Variants in VRTN observed in about 807,000 individuals in gnomAD.
The protein encoded by VRTN is vertebrae development associated, also known as vertnin.
VRTN carries 5 observed loss-of-function variants against 18.2 expected under a neutral mutation model. The observed-to-expected ratio is 0.27, with a 90% CI of 0.14 to 0.58. The LOEUF (loss-of-function observed/expected upper bound fraction) is 0.58, where lower values mean the gene tolerates loss of function less well. VRTN is among the 20% of genes least tolerant of loss of function. The pLI, the probability that VRTN is intolerant of heterozygous loss-of-function variation, is 0.91. For missense variants in VRTN, 741 were observed against 939.4 expected, an observed-to-expected ratio of 0.79 and a Z score of 2.76; for synonymous variants, 381 against 393.7, an observed-to-expected ratio of 0.97 and a Z score of 0.38.
intron 1 of VRTN, among the ~76,000 whole-genome samples, chr14:74,331,398 AG>A (rs1351339111): frequency 3.3e-5 from 5 of 150,046 alleles, no homozygotes; most frequent in Non-Finnish European, 5.9e-5. Flanking sequence ...GCATGGTAGC[AG>A]GTGCCTGTAA....
chr14:74,324,767 G>A (rs2085478515), intron 1 of VRTN, among the ~76,000 whole-genome samples: 1 of 151,976 alleles, frequency 6.6e-6, no homozygotes, highest in Admixed American at 6.6e-5. Context: ...GCATGCTATG[G>A]CCCCAGCTAC....
At chr14:74,343,510 T>TA (rs1425760083), upstream of VRTN, among the ~76,000 whole-genome samples, 9 of 152,222 alleles carry the variant, frequency 5.9e-5, no homozygotes, top group Non-Finnish European at 1.3e-4. Flanking sequence ...ACGGCTATAC[T>TA]TGTACATGTG....
Position 74,358,939 on chromosome 14 carries a change from A to T in VRTN, c.*47A>T. The T allele has an allele frequency of 6.4e-7, 1 of 1,561,856 alleles. No homozygotes were observed. The highest frequency in any genetic ancestry group is 8.7e-7 in the Non-Finnish European group (1 of 1,153,814). On this transcript the variant is annotated 3_prime_UTR_variant, in exon 2 of 2. Coordinates refer to ENST00000256362, the MANE Select transcript of VRTN (RefSeq NM_018228.3). This position sits in a 1 kb window ranked among gnomAD's most constrained non-coding sequence, Gnocchi z 5.4. The stretch of plus-strand genomic sequence containing the variant: ...GGGAAGAAGGGGGACCAGTTTGGAG[A>T]GGGTCAGGGACCTGAGCTGACCCCA...
intron 1 of VRTN, among the ~76,000 whole-genome samples, chr14:74,315,947 C>G (rs931046783): frequency 2.6e-5 from 4 of 152,134 alleles, no homozygotes; most frequent in Non-Finnish European, 5.9e-5. Flanking sequence ...TCCTTTCTAC[C>G]CCACCCCAAT....
chr14:74,356,567 A>C (rs1460039475), intron 1 of VRTN, among the ~76,000 whole-genome samples: 1 of 152,226 alleles, frequency 6.6e-6, no homozygotes, highest in Admixed American at 6.5e-5. Context: ...AAGGTGACCA[A>C]GCTTATGTCA....
In VRTN at chr14:74,357,584, G is replaced by A. The variant is rs146700227; in HGVS notation, c.801G>A (p.Pro267=). The change falls in exon 2 of 2, where the codon CCG becomes CCA. Residue 267 remains proline, a synonymous_variant. Coordinates refer to ENST00000256362, the MANE Select transcript of VRTN (RefSeq NM_018228.3). The surrounding 1 kb of genome is among the most constrained non-coding windows in gnomAD (Gnocchi z 7.8). ...ALPALAPLSS[P]AKTLELLNRE... ...CAGCCCTGGCCCCACTCTCATCGCCGGCCAAGACCCTGGAGCTGCTCAACC... is the reference window on the plus strand; with the variant it reads ...CAGCCCTGGCCCCACTCTCATCGCCAGCCAAGACCCTGGAGCTGCTCAACC... 5.8e-5 allele frequency: 94 copies of A among 1,613,782 alleles called. No homozygotes were observed. Among genetic ancestry groups the A allele is most frequent in the Non-Finnish European group, 7.1e-5 (84 of 1,180,006 alleles).
At chr14:74,316,327 C>T (rs1286729123) in intron 1 of VRTN, among the ~76,000 whole-genome samples, 1 of 151,918 alleles carries the variant, frequency 6.6e-6, no homozygotes, top group East Asian at 1.9e-4. Flanking sequence ...ACCAGCCTGG[C>T]CAACATGGTG....
In VRTN at chr14:74,357,035, C is replaced by T; in HGVS notation, c.252C>T (p.Ser84=). 6.2e-7 allele frequency: 1 copy of T among 1,608,948 alleles called. No homozygotes were observed. The highest frequency in any genetic ancestry group is 1.1e-5 in the South Asian group (1 of 90,772). Residue 84 remains serine (S), a synonymous_variant, in exon 2 of 2, where the codon AGC becomes AGT. Coordinates refer to ENST00000256362, the MANE Select transcript of VRTN (RefSeq NM_018228.3). The surrounding 1 kb of genome is among the most constrained non-coding windows in gnomAD (Gnocchi z 7.8). ...CGCTGGTGTGCAAGGGGGAGGGCAG[C>T]CTGCTGTTCGAGGCGGCCAGCATGC... The part of the protein sequence containing the change: ...MLPLVCKGEG[S]LLFEAASMLL...
intron 1 of VRTN, among the ~76,000 whole-genome samples, chr14:74,312,072 C>T (rs1331385404): frequency 6.6e-6 from 1 of 152,150 alleles, no homozygotes; most frequent in East Asian, 1.9e-4. Context: ...GCCCAGCCAG[C>T]ATACACAGAT....
intron 1 of VRTN, among the ~76,000 whole-genome samples, chr14:74,307,077 C>T (rs1188765332): frequency 6.6e-6 from 1 of 150,600 alleles, no homozygotes; most frequent in Admixed American, 6.6e-5. Context: ...AGGAGAATTG[C>T]TCTGTGCCCA....
upstream of VRTN, among the ~76,000 whole-genome samples, chr14:74,348,064 T>C (rs1005219665): frequency 2.0e-5 from 3 of 152,146 alleles, no homozygotes; most frequent in African/African-American, 2.4e-5. Flanking sequence ...AAGAGATGCA[T>C]TTTGAGGGTT....
intron 1 of VRTN, among the ~76,000 whole-genome samples, chr14:74,312,844 G>C (rs1245022712): frequency 1.4e-5 from 2 of 146,738 alleles, no homozygotes; most frequent in Non-Finnish European, 3.0e-5. Flanking sequence ...CCAGGTTCAA[G>C]TTATTCTCCT....
chr14:74,342,895 G>C lies in VRTN; in HGVS notation c.-2+5011G>C, dbSNP rs570277056. ...ACCTCCCAAAGTTCTAGGATTACAG[G>C]TGTGAGCCACCACGCCAGTCTAAAA... On this transcript the variant is annotated intron_variant, in intron 2 of 2. Coordinates refer to the VRTN transcript ENST00000557177. Among the ~76,000 whole-genome samples, 16 of 152,188 alleles carry C rather than the reference G, an allele frequency of 1.1e-4. No individual in the cohort carries two copies. In the South Asian group the frequency reaches 3.1e-3, roughly 30 times the overall value.
At chr14:74,352,954 A>G (rs1396433135) in intron 1 of VRTN, among the ~76,000 whole-genome samples, 1 of 152,202 alleles carries the variant, frequency 6.6e-6, no homozygotes, top group Non-Finnish European at 1.5e-5. Flanking sequence ...TTTGTGTTAA[A>G]AGGTGGTTAA....
chr14:74,315,695 G>A (rs376185354), intron 1 of VRTN, among the ~76,000 whole-genome samples: 3 of 152,092 alleles, frequency 2.0e-5, no homozygotes, highest in Non-Finnish European at 2.9e-5. Flanking sequence ...ATCAGATAGC[G>A]CTAAGAAAAC....
chr14:74,348,967 C>T (rs17782520), intron 1 of VRTN, among the ~76,000 whole-genome samples: 21,628 of 150,974 alleles, frequency 0.14, 1,900 homozygotes, highest in South Asian at 0.24. Context: ...CCCCGGGCTT[C>T]TCAGGTTGGA....
At chr14:74,346,474 T>C (rs2085645296), upstream of VRTN, among the ~76,000 whole-genome samples, 1 of 152,068 alleles carries the variant, frequency 6.6e-6, no homozygotes, top group Non-Finnish European at 1.5e-5. Flanking sequence ...GGTGCAACAG[T>C]GCCATCATAG....
At chr14:74,323,163 C>A (rs778438191) in intron 1 of VRTN, among the ~76,000 whole-genome samples, 10 of 151,942 alleles carry the variant, frequency 6.6e-5, no homozygotes, top group Non-Finnish European at 1.0e-4. Flanking sequence ...ATATTGGAAG[C>A]CACAGGACAG....
intron 1 of VRTN, among the ~76,000 whole-genome samples, chr14:74,351,670 G>A (rs2085685601): frequency 6.6e-6 from 1 of 151,484 alleles, no homozygotes; most frequent in African/African-American, 2.4e-5. Flanking sequence ...CGTAGAGATG[G>A]GGTTATGTTA....
Sources: allele counts gnomAD v4.1 joint callset (sites outside exome capture counted in the v4.1 genomes callset), GRCh38; gene constraint gnomAD v4.1.1; non-coding constraint Gnocchi (gnomAD v3.1); transcripts MANE v1.5; gene names NCBI Gene and HGNC (gene_info 2026-07-23, HGNC 2026-07-21).